The following RARB variants were observed in gnomAD, a reference collection of about 807,000 sequenced individuals.
RARB encodes the protein retinoic acid receptor beta.
RARB carries 17 observed loss-of-function variants against 51.9 expected under a neutral mutation model. That is an observed-to-expected ratio of 0.33 (90% CI 0.22 to 0.49). The LOEUF (loss-of-function observed/expected upper bound fraction) is 0.49. Among genes scored for constraint, RARB ranks in the 20% least tolerant of loss-of-function variants. The pLI is 0.99. For missense variants in RARB, 369 were observed against 550.8 expected (o/e 0.67, Z 3.30); for synonymous variants, 215 against 195.4 (o/e 1.10, Z -0.84).
intron 3 of RARB, among the ~76,000 whole-genome samples, chr3:25,088,344 A>T (rs945615863): frequency 6.6e-6 from 1 of 152,166 alleles, no homozygotes; most frequent in African/African-American, 2.4e-5. Context: ...GTTGTCTGTC[A>T]AGAGTTTTAT....
At chr3:24,862,019 C>G (rs1702757869) in intron 2 of RARB, among the ~76,000 whole-genome samples, 1 of 152,198 alleles carries the variant, frequency 6.6e-6, no homozygotes, top group Admixed American at 6.5e-5. Flanking sequence ...TCCGAAGTTG[C>G]TGCCTAAAGA....
intron 2 of RARB, among the ~76,000 whole-genome samples, chr3:24,884,059 T>G (rs566892063): frequency 6.6e-6 from 1 of 152,270 alleles, no homozygotes; most frequent in Non-Finnish European, 1.5e-5. Context: ...TTTGTTGTGT[T>G]TAATGCAATA....
chr3:25,480,683 A>AT (rs944046634), intron 2 of RARB, among the ~76,000 whole-genome samples: 1 of 152,070 alleles, frequency 6.6e-6, no homozygotes, highest in Non-Finnish European at 1.5e-5. Context: ...GTTGTTATTT[A>AT]TTTTTTCTTA....
intron 3 of RARB, among the ~76,000 whole-genome samples, chr3:25,077,978 TTTC>T (rs1318724076): frequency 2.0e-5 from 3 of 152,174 alleles, no homozygotes; most frequent in Non-Finnish European, 4.4e-5. Context: ...TTTATTCACA[TTTC>T]TTCTTTTCTG....
Position 25,361,024 on chromosome 3 carries a change from T to C in RARB, c.179-100169T>C, listed in dbSNP as rs543236050. ...TATTTCCTGAATTTGAATGTTGGCCTACCTTGCTGGGTTGGGGAAGTTCTC... is the reference window on the plus strand; with the variant it reads ...TATTTCCTGAATTTGAATGTTGGCCCACCTTGCTGGGTTGGGGAAGTTCTC... On this transcript the variant is annotated intron_variant, in intron 5 of 11. Coordinates refer to the RARB transcript ENST00000383772. 4.6e-5 allele frequency among the ~76,000 whole-genome samples: 7 copies of C among 152,222 alleles called. No individual in the cohort carries two copies. In the South Asian group the frequency reaches 1.5e-3, roughly 32 times the overall value.
chr3:25,162,599 C>A (rs1303178549), intron 4 of RARB, among the ~76,000 whole-genome samples: 1 of 152,204 alleles, frequency 6.6e-6, no homozygotes. Flanking sequence ...CTCCCTCTAG[C>A]ACCTGACAAC....
At chr3:25,293,482 A>G (rs1344687882) in intron 5 of RARB, among the ~76,000 whole-genome samples, 3 of 151,892 alleles carry the variant, frequency 2.0e-5, no homozygotes, top group South Asian at 4.2e-4. Flanking sequence ...ATTGTTGACG[A>G]TGGGAAGAAT....
intron 5 of RARB, among the ~76,000 whole-genome samples, chr3:25,583,163 G>T (rs1701250864): frequency 6.6e-6 from 1 of 152,200 alleles, no homozygotes; most frequent in Admixed American, 6.5e-5. Context: ...TACCCATTTG[G>T]CCCTAGGCAA....
intron 4 of RARB, among the ~76,000 whole-genome samples, chr3:25,577,309 AAGTAAAGAG>A (rs2125299963): frequency 6.6e-6 from 1 of 152,272 alleles, no homozygotes; most frequent in East Asian, 1.9e-4. Context: ...GCGCTGTGAA[AAGTAAAGAG>A]AGTCGGTGAT....
intron 5 of RARB, among the ~76,000 whole-genome samples, chr3:25,175,155 C>G (rs1236408528): frequency 6.6e-6 from 1 of 152,108 alleles, no homozygotes; most frequent in African/African-American, 2.4e-5. Context: ...GTATAAGGTA[C>G]TATAAAATAA....
intron 3 of RARB, among the ~76,000 whole-genome samples, chr3:25,103,793 A>T (rs559677580): frequency 2.6e-5 from 4 of 152,324 alleles, no homozygotes; most frequent in Non-Finnish European, 5.9e-5. Flanking sequence ...CTCCATTTTG[A>T]TGGCAGATCT....
intron 2 of RARB, among the ~76,000 whole-genome samples, chr3:24,886,413 C>T (rs907886791): frequency 4.6e-5 from 7 of 151,338 alleles, no homozygotes; most frequent in African/African-American, 1.7e-4. Flanking sequence ...TTCATGATGC[C>T]CTGACCTCCC....
intron 3 of RARB, among the ~76,000 whole-genome samples, chr3:25,520,719 TGTATC>T (rs1285372117): frequency 6.6e-6 from 1 of 152,212 alleles, no homozygotes; most frequent in African/African-American, 2.4e-5. Flanking sequence ...TGAACAGTCA[TGTATC>T]ATATAAAACC....
intron 3 of RARB, among the ~76,000 whole-genome samples, chr3:25,092,372 A>G (rs1699213776): frequency 6.7e-6 from 1 of 150,076 alleles, no homozygotes; most frequent in African/African-American, 2.5e-5. Context: ...AGATCTTAAA[A>G]CAAAACAAAA....
In RARB at chr3:25,220,215, T is replaced by A. The variant is rs148384812; in HGVS notation, c.178+45640T>A. On this transcript the variant is annotated intron_variant, in intron 5 of 11. Coordinates refer to the RARB transcript ENST00000383772. Reference sequence around the variant, plus strand: ...AGCTTGACAGCTACATTTCCCTAACTGTATGGTTCAGCAGACAACAAGTAA... The same window carrying A: ...AGCTTGACAGCTACATTTCCCTAACAGTATGGTTCAGCAGACAACAAGTAA... Among the ~76,000 whole-genome samples, 3 of 152,310 alleles carry A rather than the reference T, an allele frequency of 2.0e-5. No homozygotes were observed. The East Asian group carries it at 5.8e-4, about 29-fold the overall frequency.
intron 3 of RARB, among the ~76,000 whole-genome samples, chr3:25,121,590 G>A (rs1431641234): frequency 6.6e-6 from 1 of 152,096 alleles, no homozygotes; most frequent in African/African-American, 2.4e-5. Flanking sequence ...CCAATGTGTA[G>A]GTGGAATGGG....
chr3:25,429,895 C>T (rs933888104), intron 1 of RARB, among the ~76,000 whole-genome samples: 72 of 152,310 alleles, frequency 4.7e-4, no homozygotes, highest in African/African-American at 1.6e-3. Flanking sequence ...TTTGACAATT[C>T]ATTGGAGCAT....
At chr3:25,511,967 G>A (rs2125621570) in intron 3 of RARB, among the ~76,000 whole-genome samples, 1 of 152,280 alleles carries the variant, frequency 6.6e-6, no homozygotes. Flanking sequence ...TGGACTTAAG[G>A]GGGAGTCAGA....
chr3:24,921,426 C>G (rs1365195073), intron 2 of RARB, among the ~76,000 whole-genome samples: 2 of 152,110 alleles, frequency 1.3e-5, no homozygotes, highest in African/African-American at 4.8e-5. Context: ...GCCCCAAACT[C>G]TGGAGCACAT....
Sources: gnomAD v4.1 joint callset for allele counts (sites outside exome capture counted in the v4.1 genomes callset) on GRCh38, gnomAD v4.1.1 for gene constraint, MANE v1.5 for transcripts, NCBI Gene and HGNC (gene_info 2026-07-23, HGNC 2026-07-21) for gene names.